The following VWC2 variants were observed in gnomAD, a reference collection of about 807,000 sequenced individuals.
VWC2 encodes von Willebrand factor C domain containing 2.
VWC2 carries 14 observed loss-of-function variants against 29.8 expected under a neutral mutation model. That is an observed-to-expected ratio of 0.47 (90% CI 0.31 to 0.74). The LOEUF (loss-of-function observed/expected upper bound fraction) is 0.74, where lower values mean the gene tolerates loss of function less well. VWC2 is among the 30% of genes least tolerant of loss of function. VWC2 has a pLI of 0.05. For synonymous variants in VWC2, 213 were observed against 199.0 expected (o/e 1.07, Z -0.59); for missense variants, 457 against 459.8 (o/e 0.99, Z 0.05).
rs80031099 is a variant in VWC2 at position 49,896,009 on chromosome 7, G to T, written c.827-16025G>T. Among the ~76,000 whole-genome samples the T allele has an allele frequency of 2.0e-4, 31 of 152,184 alleles. 2 individuals carry two copies. In the East Asian group the frequency reaches 6.0e-3, roughly 29 times the overall value. On this transcript the variant is annotated intron_variant, in intron 3 of 3. Coordinates refer to ENST00000340652, the MANE Select transcript of VWC2 (RefSeq NM_198570.5). Reference sequence around the variant, plus strand: ...TCCCAAGATTCTTAGTAGTTATTGTGCTTCAAGTCTATAAAATTAAAGTAA... The same window carrying T: ...TCCCAAGATTCTTAGTAGTTATTGTTCTTCAAGTCTATAAAATTAAAGTAA...
intron 3 of VWC2, among the ~76,000 whole-genome samples, chr7:49,854,915 G>A (rs1365140513): frequency 1.3e-5 from 2 of 152,144 alleles, no homozygotes; most frequent in African/African-American, 4.8e-5. Flanking sequence ...TAAGTAACTT[G>A]CCCAATGCCA....
intron 3 of VWC2, among the ~76,000 whole-genome samples, chr7:49,823,209 C>T (rs571941285): frequency 5.9e-5 from 9 of 152,200 alleles, no homozygotes; most frequent in Admixed American, 5.2e-4. Context: ...CACACAAGGA[C>T]GCTTGGACAG....
intron 3 of VWC2, among the ~76,000 whole-genome samples, chr7:49,856,797 C>G (rs1790434953): frequency 6.6e-6 from 1 of 151,930 alleles, no homozygotes; most frequent in Non-Finnish European, 1.5e-5. Context: ...ATCACGAGGT[C>G]AGGAGATCGA....
Position 49,914,319 on chromosome 7 carries a change from T to G in VWC2, c.*2134T>G, listed in dbSNP as rs1487754010. The stretch of plus-strand genomic sequence containing the variant: ...ATAATTGCAATGGTGTTTTCAATGC[T>G]GTGAGAATTTCAGAAAACCTAGTAT... On this transcript the variant is annotated 3_prime_UTR_variant, in exon 4 of 4. Transcript: ENST00000340652. The G allele has an allele frequency of 6.6e-6, 1 of 152,240 alleles. No homozygotes were observed. Among genetic ancestry groups the G allele is most frequent in the Non-Finnish European group, 1.5e-5 (1 of 68,032 alleles). The allele number at this position is 152,240 out of a possible 1,614,324, so 9.4% of individuals were successfully genotyped here.
chr7:49,871,026 A>G (rs567624888), intron 3 of VWC2, among the ~76,000 whole-genome samples: 1 of 152,300 alleles, frequency 6.6e-6, no homozygotes, highest in Middle Eastern at 3.4e-3. Context: ...AAACCATGAA[A>G]AGTATTCCAC....
At chr7:49,828,466 C>T (rs531662288) in intron 3 of VWC2, among the ~76,000 whole-genome samples, 7 of 152,078 alleles carry the variant, frequency 4.6e-5, no homozygotes, top group Non-Finnish European at 7.4e-5. Flanking sequence ...AGGGTTTGTA[C>T]TATTTTACAC....
chr7:49,830,268 T>C (rs570291822), intron 3 of VWC2, among the ~76,000 whole-genome samples: 13 of 152,248 alleles, frequency 8.5e-5, no homozygotes, highest in Non-Finnish European at 1.2e-4. Flanking sequence ...AAAAAAAAAT[T>C]TAACAAGTAG....
At chr7:49,880,648 CAG>C (rs887532243) in intron 3 of VWC2, among the ~76,000 whole-genome samples, 11 of 151,276 alleles carry the variant, frequency 7.3e-5, no homozygotes, top group Middle Eastern at 6.9e-3. Flanking sequence ...CACTTGGACA[CAG>C]GGTGGGGAAC....
intron 2 of VWC2, among the ~76,000 whole-genome samples, chr7:49,779,352 A>G (rs963752458): frequency 6.6e-6 from 1 of 152,196 alleles, no homozygotes; most frequent in African/African-American, 2.4e-5. Context: ...TCAGTTAGAT[A>G]CTTGTGAAAG....
At chr7:49,837,712 C>T (rs975533797) in intron 3 of VWC2, among the ~76,000 whole-genome samples, 2 of 152,106 alleles carry the variant, frequency 1.3e-5, no homozygotes, top group African/African-American at 2.4e-5. Flanking sequence ...AAATGCTTTC[C>T]AAATACTTAC....
chr7:49,905,285 T>A (rs1793026188), intron 3 of VWC2, among the ~76,000 whole-genome samples: 1 of 152,212 alleles, frequency 6.6e-6, no homozygotes, highest in Non-Finnish European at 1.5e-5. Context: ...ACATGATAGC[T>A]ATGGAAAGTG....
At chr7:49,851,010 G>A (rs1037094597) in intron 3 of VWC2, among the ~76,000 whole-genome samples, 10 of 152,272 alleles carry the variant, frequency 6.6e-5, no homozygotes, top group Admixed American at 2.6e-4. Context: ...TTACTCGTCC[G>A]CAATTCTGCA....
chr7:49,866,833 C>T (rs1790912474), intron 3 of VWC2, among the ~76,000 whole-genome samples: 2 of 152,192 alleles, frequency 1.3e-5, no homozygotes, highest in South Asian at 4.1e-4. Context: ...TCTACATTTG[C>T]TTCCTTTCAA....
chr7:49,836,580 A>G lies in VWC2; in HGVS notation c.826+33740A>G, dbSNP rs145387417. On this transcript the variant is annotated intron_variant, in intron 3 of 3. Coordinates refer to ENST00000340652, the MANE Select transcript of VWC2 (RefSeq NM_198570.5). Reference sequence around the variant, plus strand: ...CTTGAACTCCAGAGGCGGAGGTTTCAATGAGCTGAGATCTCCCCACTGCAC... The same window carrying G: ...CTTGAACTCCAGAGGCGGAGGTTTCGATGAGCTGAGATCTCCCCACTGCAC... Among the ~76,000 whole-genome samples, 1,230 of 151,786 alleles carry G rather than the reference A, an allele frequency of 8.1e-3. 53 individuals are homozygous for G. The South Asian group carries it at 0.12, about 15-fold the overall frequency.
chr7:49,793,968 A>G (rs1485408638), intron 2 of VWC2, among the ~76,000 whole-genome samples: 1 of 152,148 alleles, frequency 6.6e-6, no homozygotes. Flanking sequence ...AGGTTTCTGA[A>G]AGGAGGGCAC....
intron 3 of VWC2, among the ~76,000 whole-genome samples, chr7:49,807,833 CAT>C (rs1321024207): frequency 6.6e-5 from 10 of 152,154 alleles, no homozygotes; most frequent in East Asian, 1.9e-4. Context: ...ATATAGCCCA[CAT>C]GTTTTGAGAA....
chr7:49,783,826 G>C (rs760589944), intron 2 of VWC2, among the ~76,000 whole-genome samples: 6 of 152,036 alleles, frequency 3.9e-5, no homozygotes, highest in Non-Finnish European at 7.4e-5. Flanking sequence ...GAGCTGGGAG[G>C]ATCACTTGAG....
At chr7:49,910,245 C>T (rs965570040) in intron 3 of VWC2, among the ~76,000 whole-genome samples, 5 of 152,192 alleles carry the variant, frequency 3.3e-5, no homozygotes, top group Non-Finnish European at 7.4e-5. Flanking sequence ...CGAAAACCAC[C>T]ACCACAGAAC....
intron 3 of VWC2, among the ~76,000 whole-genome samples, chr7:49,804,870 T>A (rs1054976968): frequency 1.1e-4 from 16 of 152,206 alleles, no homozygotes; most frequent in African/African-American, 3.9e-4. Context: ...ATAAGACACA[T>A]GGCACAAATT....
Sources: allele counts gnomAD v4.1 joint callset (sites outside exome capture counted in the v4.1 genomes callset), GRCh38; gene constraint gnomAD v4.1.1; transcripts MANE v1.5; gene names NCBI Gene and HGNC (gene_info 2026-07-23, HGNC 2026-07-21).